The following UGT1A4 variants were observed in gnomAD, a reference collection of about 807,000 sequenced individuals.
The protein encoded by UGT1A4 is UDP glucuronosyltransferase family 1 member A4, also known as UDP-glucuronosyltransferase 1A4.
UGT1A4 carries 32 observed loss-of-function variants against 41.1 expected under a neutral mutation model. The observed-to-expected ratio is 0.78, with a 90% CI of 0.59 to 1.05. The LOEUF (loss-of-function observed/expected upper bound fraction) is 1.05. Among genes scored for constraint, UGT1A4 ranks in the 50% least tolerant of loss-of-function variants. The pLI is 0.00. For missense variants in UGT1A4, 748 were observed against 677.4 expected (o/e 1.10, Z -1.16); for synonymous variants, 283 against 265.1 (o/e 1.07, Z -0.66).
chr2:233,719,718 T>C, intron 1 of UGT1A4, 31 bp downstream of exon 1: 1 of 1,613,900 alleles, frequency 6.2e-7, no homozygotes, highest in Non-Finnish European at 8.5e-7. Flanking sequence ...CCAATCAATG[T>C]TCCAGGCAAA....
intron 1 of UGT1A4, among the ~76,000 whole-genome samples, chr2:233,758,094 G>A (rs1428723700): frequency 6.6e-6 from 1 of 152,162 alleles, no homozygotes; most frequent in Non-Finnish European, 1.5e-5. Flanking sequence ...CATAGTGACT[G>A]CCATCCAGTA....
At chr2:233,729,380 C>T (rs1362745678) in intron 1 of UGT1A4, 2 of 1,613,892 alleles carry the variant, frequency 1.2e-6, no homozygotes, top group Admixed American at 3.3e-5. Flanking sequence ...ATTTCGTGGA[C>T]CCAGGATGAA....
In UGT1A4 at chr2:233,773,267, C is replaced by T. The variant is rs1428279395; in HGVS notation, c.*708C>T. ...ACTTTTTTTCTGATGTTTCCTACAA[C>T]TAAAAATAAATTAATAAATTTATAT... On this transcript the variant is annotated 3_prime_UTR_variant, in exon 5 of 5. Transcript: ENST00000373409. 6.6e-6 allele frequency: 1 copy of T among 152,172 alleles called. No individual in the cohort carries two copies. Among genetic ancestry groups the T allele is most frequent in the Non-Finnish European group, 1.5e-5 (1 of 68,020 alleles). The allele number at this position is 152,172 out of a possible 1,614,324, so 9.4% of individuals were successfully genotyped here. A position where few individuals can be genotyped will look rare whatever the true frequency, so the allele number is the denominator to read the frequency against.
At chr2:233,734,121 T>A (rs76091685) in intron 1 of UGT1A4, among the ~76,000 whole-genome samples, 3,256 of 151,966 alleles carry the variant, frequency 0.021, 102 homozygotes, top group African/African-American at 0.073. Context: ...ATAATAATAA[T>A]AAAAAGAATT....
At chr2:233,731,010 G>T (rs17868337) in intron 1 of UGT1A4, among the ~76,000 whole-genome samples, 1 of 152,138 alleles carries the variant, frequency 6.6e-6, no homozygotes, top group Admixed American at 6.5e-5. Flanking sequence ...CATGTACATC[G>T]TGAGAGAATC....
intron 1 of UGT1A4, among the ~76,000 whole-genome samples, chr2:233,748,848 A>G (rs1037972949): frequency 6.6e-6 from 1 of 151,534 alleles, no homozygotes; most frequent in Non-Finnish European, 1.5e-5. Flanking sequence ...CTGTGAGCGT[A>G]TAAGCCCAGT....
intron 1 of UGT1A4, chr2:233,760,706 T>G (rs1396464237): frequency 2.5e-6 from 4 of 1,614,118 alleles, no homozygotes; most frequent in African/African-American, 1.3e-5. Flanking sequence ...ATGGCCTCCC[T>G]GGCAGAAAGC....
rs748911565 is a variant in UGT1A4 at position 233,719,696 on chromosome 2, T to C, written c.867+9T>C. On this transcript the variant is annotated intron_variant, in intron 1 of 4. Transcript: ENST00000373409. ...GGAAGCCACTATCTCAGGTCTGTATTGGTGCCTTCATCCAATCAATGTTCC... is the reference window on the plus strand; with the variant it reads ...GGAAGCCACTATCTCAGGTCTGTATCGGTGCCTTCATCCAATCAATGTTCC... 44 of 1,613,934 alleles carry C rather than the reference T, an allele frequency of 2.7e-5. No homozygotes were observed. The highest frequency in any genetic ancestry group is 1.6e-4 in the Middle Eastern group (1 of 6,064).
At chr2:233,724,293 C>A (rs1226718888) in intron 1 of UGT1A4, among the ~76,000 whole-genome samples, 7 of 135,018 alleles carry the variant, frequency 5.2e-5, no homozygotes, top group Non-Finnish European at 8.1e-5. Flanking sequence ...GGGGGCTGAC[C>A]CCCCCACCTC....
chr2:233,768,017 T>G, intron 3 of UGT1A4, 81 bp downstream of exon 3: 1 of 1,613,870 alleles, frequency 6.2e-7, no homozygotes, highest in Admixed American at 1.7e-5. Flanking sequence ...TCTAAAGGAT[T>G]GTTGAGCTTG....
intron 1 of UGT1A4, among the ~76,000 whole-genome samples, chr2:233,748,325 G>C (rs574436973): frequency 6.6e-6 from 1 of 151,854 alleles, no homozygotes; most frequent in East Asian, 1.9e-4. Context: ...GGACTGATGT[G>C]ACTCATGGAG....
At chr2:233,726,820 G>A (rs956550712) in intron 1 of UGT1A4, among the ~76,000 whole-genome samples, 1 of 151,954 alleles carries the variant, frequency 6.6e-6, no homozygotes, top group African/African-American at 2.4e-5. Flanking sequence ...TCCTCTATTC[G>A]ACCATTTAAA....
At position 233,743,458 on chromosome 2, in the gene UGT1A4, A is replaced by C. The variant is rs61736688; in HGVS notation, c.868-23576A>C. On this transcript the variant is annotated intron_variant, in intron 1 of 4. Transcript: ENST00000373409. ...AAATCCTGTATCAAAAGAAGAAAAA[A>C]CACCCCCAAAAGCTGGAAATTCACT... 785 of 1,366,068 alleles carry C rather than the reference A, an allele frequency of 5.7e-4. 6 individuals are homozygous for C. In the Admixed American group the frequency reaches 0.012, roughly 22 times the overall value. 84.6% of individuals were successfully genotyped at this position (1,366,068 alleles called of 1,614,324 possible).
At chr2:233,747,254 C>A in intron 1 of UGT1A4, 1 of 1,600,766 alleles carries the variant, frequency 6.2e-7, no homozygotes, top group Admixed American at 1.7e-5. Flanking sequence ...TGGCTGGCCA[C>A]AGGAGTGCTA....
At chr2:233,754,637 G>C (rs1695540827) in intron 1 of UGT1A4, 2 of 446,646 alleles carry the variant, frequency 4.5e-6, no homozygotes, top group African/African-American at 4.1e-5. Context: ...CCCTTTCTTG[G>C]CCATTCTCAA....
chr2:233,730,084 A>C (rs962499834), intron 1 of UGT1A4: 1 of 1,601,106 alleles, frequency 6.2e-7, no homozygotes, highest in Admixed American at 1.7e-5. Context: ...ATATTTACTT[A>C]TCTTTCCAAA....
In UGT1A4 at chr2:233,729,814, C is replaced by T. The variant is rs776482922; in HGVS notation, c.867+10127C>T. The T allele has an allele frequency of 2.5e-6, 4 of 1,613,896 alleles. No homozygotes were observed. In the South Asian group the frequency reaches 3.3e-5, roughly 13 times the overall value. The stretch of plus-strand genomic sequence containing the variant: ...CTACATTTGCCATGCTTTTTCTGCT[C>T]CTTATGCAAGCCTTGCCTCTGAGCT... On this transcript the variant is annotated intron_variant, in intron 1 of 4. Coordinates refer to ENST00000373409, the MANE Select transcript of UGT1A4 (RefSeq NM_007120.3).
At chr2:233,755,082 T>C (rs971081603) in intron 1 of UGT1A4, 16 of 1,336,710 alleles carry the variant, frequency 1.2e-5, no homozygotes, top group Middle Eastern at 2.1e-4. Context: ...GTCATAGATA[T>C]CGCGTTTCTA....
At chr2:233,732,936 C>G (rs2078338075) in intron 1 of UGT1A4, among the ~76,000 whole-genome samples, 1 of 152,082 alleles carries the variant, frequency 6.6e-6, no homozygotes, top group African/African-American at 2.4e-5. Flanking sequence ...TTCTTCCTAT[C>G]CATGAGCATG....
Sources: gnomAD v4.1 joint callset for allele counts (sites outside exome capture counted in the v4.1 genomes callset) on GRCh38, gnomAD v4.1.1 for gene constraint, MANE v1.5 for transcripts, NCBI Gene and HGNC (gene_info 2026-07-23, HGNC 2026-07-21) for gene names.